RGS5: variants seen among roughly 807,000 people sequenced by gnomAD.
The protein encoded by RGS5 is regulator of G protein signaling 5.
Under a neutral mutation model 18.9 loss-of-function variants are expected in RGS5, and 20 were observed. That is an observed-to-expected ratio of 1.06 (90% confidence interval 0.74 to 1.54). The LOEUF (loss-of-function observed/expected upper bound fraction) is 1.54. RGS5 is among the 40% of genes most tolerant of loss of function. RGS5 has a pLI of 0.00. For missense variants in RGS5, 201 were observed against 211.8 expected, an observed-to-expected ratio of 0.95 and a Z score of 0.32; for synonymous variants, 57 against 76.2, an observed-to-expected ratio of 0.75 and a Z score of 1.31.
upstream of RGS5, among the ~76,000 whole-genome samples, chr1:163,204,327 AC>A (rs1290688625): frequency 1.4e-4 from 21 of 151,846 alleles, no homozygotes; most frequent in Admixed American, 6.6e-4. Flanking sequence ...ACACACACAC[AC>A]ACACACACAC....
chr1:163,221,774 T>A (rs1364381730), upstream of RGS5, among the ~76,000 whole-genome samples: 1 of 152,186 alleles, frequency 6.6e-6, no homozygotes, highest in East Asian at 1.9e-4. Flanking sequence ...CCTGATGAAG[T>A]TTATAATCTA....
upstream of RGS5, among the ~76,000 whole-genome samples, chr1:163,203,924 A>G (rs577809866): frequency 5.9e-5 from 9 of 152,270 alleles, no homozygotes; most frequent in African/African-American, 2.2e-4. Flanking sequence ...CCTAAAAGGT[A>G]GGCATGAGTC....
intron 2 of RGS5, among the ~76,000 whole-genome samples, chr1:163,287,460 C>A (rs1649173938): frequency 6.6e-6 from 1 of 152,206 alleles, no homozygotes; most frequent in African/African-American, 2.4e-5. Flanking sequence ...CCATGCCATT[C>A]ATTTCCTAAG....
intron 2 of RGS5, among the ~76,000 whole-genome samples, chr1:163,235,557 G>C (rs2101687334): frequency 6.6e-6 from 1 of 152,234 alleles, no homozygotes; most frequent in East Asian, 1.9e-4. Flanking sequence ...CCTAACCTAT[G>C]GTTCTTCTCA....
At chr1:163,159,646 T>C (rs571654822) in intron 3 of RGS5, among the ~76,000 whole-genome samples, 199 of 152,286 alleles carry the variant, frequency 1.3e-3, no homozygotes, top group Non-Finnish European at 2.5e-3. Context: ...AAGGAAAGCA[T>C]TGACTAGAAT....
intron 2 of RGS5, among the ~76,000 whole-genome samples, chr1:163,262,427 A>G (rs12751357): frequency 0.3 from 17,460 of 58,532 alleles, 2,661 homozygotes; most frequent in Middle Eastern, 0.42. Context: ...TTGTTCTTGC[A>G]ATAGTTTACT....
At chr1:163,295,769 T>C (rs1649406679) in intron 2 of RGS5, among the ~76,000 whole-genome samples, 1 of 152,206 alleles carries the variant, frequency 6.6e-6, no homozygotes, top group Non-Finnish European at 1.5e-5. Context: ...CTGGCTTCAG[T>C]TTGTTGGGTG....
chr1:163,233,853 T>G (rs888002642), intron 2 of RGS5, among the ~76,000 whole-genome samples: 2 of 152,142 alleles, frequency 1.3e-5, no homozygotes, highest in Admixed American at 1.3e-4. Flanking sequence ...GAGGGTGTAT[T>G]TTCACAAAGT....
At chr1:163,207,744 T>C (rs1425424870), upstream of RGS5, among the ~76,000 whole-genome samples, 3 of 152,098 alleles carry the variant, frequency 2.0e-5, no homozygotes, top group African/African-American at 4.8e-5. Flanking sequence ...AATTAGATCA[T>C]TGATTGTTGC....
intron 2 of RGS5, among the ~76,000 whole-genome samples, chr1:163,269,806 C>T (rs12745258): frequency 0.15 from 22,266 of 152,092 alleles, 1,954 homozygotes; most frequent in Non-Finnish European, 0.19. Context: ...CACTAATCTG[C>T]ATGCATATAA....
intron 2 of RGS5, chr1:163,162,684 T>C (rs940688053): frequency 1.3e-5 from 2 of 152,182 alleles, no homozygotes; most frequent in Non-Finnish European, 2.9e-5. Context: ...GAGAAGGTTA[T>C]AGCCAACATA....
intron 1 of RGS5, among the ~76,000 whole-genome samples, chr1:163,187,523 G>A (rs1431104558): frequency 6.6e-6 from 1 of 152,080 alleles, no homozygotes. Context: ...CTTTGTGATT[G>A]TGGGTCTTAA....
At chr1:163,277,225 T>A (rs1213269311) in intron 2 of RGS5, among the ~76,000 whole-genome samples, 1 of 152,180 alleles carries the variant, frequency 6.6e-6, no homozygotes, top group Non-Finnish European at 1.5e-5. Flanking sequence ...TGGAACCTCC[T>A]GCTTTGAGTT....
intron 2 of RGS5, among the ~76,000 whole-genome samples, chr1:163,276,339 TC>T (rs2101715485): frequency 6.6e-6 from 1 of 152,212 alleles, no homozygotes; most frequent in Non-Finnish European, 1.5e-5. Context: ...ATTTCCTGCT[TC>T]CTGTAGTATT....
intron 2 of RGS5, among the ~76,000 whole-genome samples, chr1:163,223,114 G>A (rs1647265475): frequency 6.6e-6 from 1 of 152,058 alleles, no homozygotes; most frequent in Admixed American, 6.6e-5. Flanking sequence ...CAAAGTGCTG[G>A]GAATACAGAC....
intron 1 of RGS5, among the ~76,000 whole-genome samples, chr1:163,174,101 A>T (rs558382076): frequency 3.1e-4 from 47 of 152,188 alleles, no homozygotes; most frequent in Non-Finnish European, 4.7e-4. Flanking sequence ...ACAAACAAAC[A>T]AACATAGACT....
At chr1:163,292,041 T>C (rs1047998166) in intron 2 of RGS5, among the ~76,000 whole-genome samples, 1 of 152,140 alleles carries the variant, frequency 6.6e-6, no homozygotes, top group Non-Finnish European at 1.5e-5. Flanking sequence ...CAGGGGTACA[T>C]ATGAAGGATG....
intron 2 of RGS5, among the ~76,000 whole-genome samples, chr1:163,269,784 C>A (rs1365216897): frequency 6.6e-6 from 1 of 152,064 alleles, no homozygotes; most frequent in Non-Finnish European, 1.5e-5. Context: ...ATTTGGAAGA[C>A]AAAAGAATAA....
rs534245264 is a variant in RGS5 at position 163,194,093 on chromosome 1, C to T, written c.44+8699G>A. Among the ~76,000 whole-genome samples the T allele has an allele frequency of 6.6e-5, 10 of 152,208 alleles. No homozygotes were observed. In the South Asian group the frequency reaches 1.7e-3, roughly 25 times the overall value. On this transcript the variant is annotated intron_variant, in intron 1 of 4. Coordinates refer to ENST00000313961, the MANE Select transcript of RGS5 (RefSeq NM_003617.4). ...TGTTAGATTCAGATTCTAATTCATCCTCAAATTGTACAAGAAACCGAGACC... is the reference window on the plus strand; with the variant it reads ...TGTTAGATTCAGATTCTAATTCATCTTCAAATTGTACAAGAAACCGAGACC...
Sources: allele counts gnomAD v4.1 joint callset (sites outside exome capture counted in the v4.1 genomes callset), GRCh38; gene constraint gnomAD v4.1.1; transcripts MANE v1.5; gene names NCBI Gene and HGNC (gene_info 2026-07-23, HGNC 2026-07-21).